NEK10: variants seen among roughly 807,000 people sequenced by gnomAD.
NEK10 encodes NIMA related kinase 10.
A neutral mutation model predicts 159.8 loss-of-function variants in NEK10; 122 were observed. The ratio of observed to expected loss-of-function variants is 0.76; its 90% CI spans 0.66 to 0.89. The LOEUF (loss-of-function observed/expected upper bound fraction) is 0.89, where lower values mean the gene tolerates loss of function less well. Among genes scored for constraint, NEK10 ranks in the 40% least tolerant of loss-of-function variants. NEK10 has a pLI of 0.00. For synonymous variants in NEK10, 466 were observed against 457.1 expected (o/e 1.02, Z -0.25); for missense variants, 1,342 against 1,323.1 (o/e 1.01, Z -0.22).
chr3:27,157,956 C>T (rs992808444), intron 30 of NEK10, among the ~76,000 whole-genome samples: 1 of 152,094 alleles, frequency 6.6e-6, no homozygotes, highest in Non-Finnish European at 1.5e-5. Flanking sequence ...AGCAACAAGG[C>T]ATTTTTAATT....
chr3:27,202,364 T>A, intron 24 of NEK10, 64 bp downstream of exon 24: 3 of 1,484,828 alleles, frequency 2.0e-6, no homozygotes, highest in Non-Finnish European at 2.7e-6. Context: ...AAAGATCTGT[T>A]TAATAAGAAA....
intron 3 of NEK10, among the ~76,000 whole-genome samples, chr3:27,349,806 A>G (rs983459323): frequency 1.3e-5 from 2 of 152,084 alleles, no homozygotes; most frequent in Non-Finnish European, 2.9e-5. Context: ...CTCTTGAGTT[A>G]TTGGGTTTTC....
chr3:27,198,442 A>C (rs1160776951), intron 25 of NEK10, among the ~76,000 whole-genome samples: 2 of 152,088 alleles, frequency 1.3e-5, no homozygotes, highest in Non-Finnish European at 2.9e-5. Context: ...AGACACATAG[A>C]CCAATGGAAC....
intron 6 of NEK10, among the ~76,000 whole-genome samples, chr3:27,318,400 G>A (rs1216196757): frequency 6.6e-6 from 1 of 152,168 alleles, no homozygotes; most frequent in Non-Finnish European, 1.5e-5. Flanking sequence ...TGTTCTCAAA[G>A]TTTTGGTCTC....
intron 20 of NEK10, among the ~76,000 whole-genome samples, chr3:27,285,791 GCTTT>G (rs1465812055): frequency 1.3e-5 from 2 of 152,080 alleles, no homozygotes; most frequent in Non-Finnish European, 2.9e-5. Flanking sequence ...TGTAATTTAT[GCTTT>G]TTTTCATTAA....
chr3:27,350,318 C>T (rs551614415), intron 3 of NEK10, among the ~76,000 whole-genome samples: 4 of 152,202 alleles, frequency 2.6e-5, no homozygotes, highest in Admixed American at 2.6e-4. Context: ...TGTATGACAA[C>T]CTATCACACT....
chr3:27,297,113 T>G (rs2043411231), intron 14 of NEK10, 66 bp downstream of exon 14: 3 of 973,552 alleles, frequency 3.1e-6, no homozygotes, highest in Admixed American at 1.7e-5. Context: ...GGATACAGAC[T>G]GCACCACAAG....
intron 23 of NEK10, among the ~76,000 whole-genome samples, chr3:27,207,544 T>C (rs1448998024): frequency 6.6e-6 from 1 of 152,154 alleles, no homozygotes; most frequent in East Asian, 1.9e-4. Context: ...TATTACGAAG[T>C]CTATTTTAGA....
chr3:27,111,296 G>A lies in NEK10; in HGVS notation c.3324C>T (p.Thr1108=), dbSNP rs978794531. Residue 1108 remains threonine (T), a synonymous_variant, in exon 36 of 36, where the codon ACC becomes ACT. Transcript: ENST00000691995. ...SNRYHSYPWG[T]KNHPTKR is the part of the protein sequence containing the mutation. ...TTCATCTTTTGGTTGGGTGATTCTT[G>A]GTCCCCCATGGATAGGAATGATACC... The A allele has an allele frequency of 6.2e-7, 1 of 1,607,774 alleles. No homozygotes were observed. Among genetic ancestry groups the A allele is most frequent in the African/African-American group, 1.3e-5 (1 of 74,564 alleles).
At chr3:27,169,739 A>G (rs1946787642) in intron 29 of NEK10, among the ~76,000 whole-genome samples, 1 of 152,150 alleles carries the variant, frequency 6.6e-6, no homozygotes, top group African/African-American at 2.4e-5. Context: ...AGCACCCTCA[A>G]ACCCAGAGGT....
chr3:27,354,468 G>A (rs1559552523), intron 1 of NEK10, among the ~76,000 whole-genome samples: 1 of 152,124 alleles, frequency 6.6e-6, no homozygotes, highest in African/African-American at 2.4e-5. Context: ...ACCAGTATCA[G>A]CAGAAACAGA....
chr3:27,163,994 T>C (rs1310340602), intron 29 of NEK10, among the ~76,000 whole-genome samples: 1 of 152,170 alleles, frequency 6.6e-6, no homozygotes. Context: ...AATCTTTGCA[T>C]CCACCTATGA....
chr3:27,198,819 C>T (rs964058412), intron 25 of NEK10, among the ~76,000 whole-genome samples: 2 of 152,074 alleles, frequency 1.3e-5, no homozygotes, highest in Non-Finnish European at 2.9e-5. Flanking sequence ...CGACTGTAAT[C>T]CCAGCACTTT....
At position 27,202,488 on chromosome 3, in the gene NEK10, A is replaced by G; in HGVS notation, c.2160T>C (p.Tyr720=). 1 of 1,613,600 alleles carries G rather than the reference A, an allele frequency of 6.2e-7. No individual in the cohort carries two copies. Residue 720 remains tyrosine (Y), a synonymous_variant, in exon 24 of 36, where the codon TAT becomes TAC. Coordinates refer to ENST00000691995, the MANE Select transcript of NEK10 (RefSeq NM_001394966.1). ...ADVWAVGCIL[Y]QMATLSPPFY... ...AGGGGGGACTCAAAGTCGCCATCTG[A>G]TAAAGGATGCAGCCTACTGCCCAGA...
At chr3:27,163,005 A>C (rs541824249) in intron 29 of NEK10, among the ~76,000 whole-genome samples, 2 of 152,118 alleles carry the variant, frequency 1.3e-5, no homozygotes, top group East Asian at 1.9e-4. Flanking sequence ...ATCCTGAATA[A>C]TTTTCTAGTT....
At chr3:27,161,812 C>G (rs1357588268) in intron 30 of NEK10, among the ~76,000 whole-genome samples, 2 of 152,120 alleles carry the variant, frequency 1.3e-5, no homozygotes, top group African/African-American at 4.8e-5. Context: ...CAAGGCCAGC[C>G]TGGCCACCAT....
Position 27,250,191 on chromosome 3 carries a change from AT to A in NEK10, c.2090+6104del, listed in dbSNP as rs200065636. On this transcript the variant is annotated intron_variant, in intron 23 of 35. Coordinates refer to ENST00000691995, the MANE Select transcript of NEK10 (RefSeq NM_001394966.1). ...TTCTTTGTTTTTCTGTGTATTTACT[AT>A]TTTTTTTTTTTTGAGATGGAGTCTC... Among the ~76,000 whole-genome samples the A allele has an allele frequency of 3.4e-3, 494 of 143,330 alleles. 4 individuals carry two copies. The East Asian group carries it at 0.036, about 10-fold the overall frequency. 94.0% of individuals were successfully genotyped at this position (143,330 alleles called of 152,430 possible).
chr3:27,367,896 T>C (rs561760536), intron 1 of NEK10, among the ~76,000 whole-genome samples: 3 of 152,220 alleles, frequency 2.0e-5, no homozygotes, highest in Admixed American at 1.3e-4. Flanking sequence ...ACAATCAAGA[T>C]GGAACTGCTG....
At chr3:27,261,830 G>A (rs1359348347) in intron 22 of NEK10, among the ~76,000 whole-genome samples, 3 of 152,126 alleles carry the variant, frequency 2.0e-5, no homozygotes, top group African/African-American at 4.8e-5. Flanking sequence ...GGGTGTTAAC[G>A]TCTCCCACTA....
Sources: gnomAD v4.1 joint callset for allele counts (sites outside exome capture counted in the v4.1 genomes callset) on GRCh38, gnomAD v4.1.1 for gene constraint, MANE v1.5 for transcripts, NCBI Gene and HGNC (gene_info 2026-07-23, HGNC 2026-07-21) for gene names.